The following KLHL7 variants were observed in gnomAD, a reference collection of about 807,000 sequenced individuals.
The protein encoded by KLHL7 is kelch-like protein 7.
KLHL7 carries 44 observed loss-of-function variants against 67.4 expected under a neutral mutation model. The observed-to-expected ratio is 0.65, with a 90% CI of 0.51 to 0.84. The LOEUF is 0.84. Among genes scored for constraint, KLHL7 ranks in the 40% least tolerant of loss-of-function variants. KLHL7 has a pLI of 0.00. For missense variants in KLHL7, 362 were observed against 718.1 expected (o/e 0.50, Z 5.67); for synonymous variants, 252 against 243.3 (o/e 1.04, Z -0.33).
In KLHL7 at chr7:23,135,015, A is replaced by G. The variant is rs531015586; in HGVS notation, c.443-5754A>G. Among the ~76,000 whole-genome samples the G allele has an allele frequency of 3.3e-5, 5 of 152,142 alleles. No individual in the cohort carries two copies. In the South Asian group the frequency reaches 8.3e-4, roughly 25 times the overall value. ...GCTCTTGCTTTTCTAGTTCTTTAAGATACATCATTAGATTGTTAATTTAAG... is the reference window on the plus strand; with the variant it reads ...GCTCTTGCTTTTCTAGTTCTTTAAGGTACATCATTAGATTGTTAATTTAAG... On this transcript the variant is annotated intron_variant, in intron 4 of 10. Transcript: ENST00000339077.
chr7:23,117,246 C>T (rs1025017197), intron 1 of KLHL7, among the ~76,000 whole-genome samples: 37 of 152,048 alleles, frequency 2.4e-4, no homozygotes, highest in African/African-American at 8.7e-4. Flanking sequence ...CACCACCACG[C>T]CTGGCTAATT....
At chr7:23,140,721 T>C (rs1784153713) in intron 4 of KLHL7, 48 bp from the exon 5 acceptor site, 1 of 1,551,554 alleles carries the variant, frequency 6.4e-7, no homozygotes, top group South Asian at 1.1e-5. Flanking sequence ...GTATACTTGG[T>C]TTTTCTAAAA....
chr7:23,117,798 A>T, intron 1 of KLHL7: 1 of 1,555,920 alleles, frequency 6.4e-7, no homozygotes, highest in Non-Finnish European at 8.7e-7. Context: ...TATTTACCCC[A>T]TCTAATAAGG....
chr7:23,143,898 C>A lies in KLHL7; in HGVS notation c.666C>A (p.Arg222=). 6.2e-7 allele frequency: 1 copy of A among 1,614,140 alleles called. No individual in the cohort carries two copies. Among genetic ancestry groups the A allele is most frequent in the Non-Finnish European group, 8.5e-7 (1 of 1,180,002 alleles). ...VRWLKYDEPN[R]QPFMVDILAK... is the part of the protein sequence containing the mutation. Reference sequence around the variant, plus strand: ...GGTTGAAATACGATGAACCTAATCGCCAGCCATTTATGGTTGATATCCTTG... The same window carrying A: ...GGTTGAAATACGATGAACCTAATCGACAGCCATTTATGGTTGATATCCTTG... The change falls in exon 6 of 11, where the codon CGC becomes CGA. Residue 222 remains arginine, a synonymous_variant. Coordinates refer to ENST00000339077, the MANE Select transcript of KLHL7 (RefSeq NM_001031710.3).
chr7:23,172,715 CT>C, intron 9 of KLHL7: 1 of 418,462 alleles, frequency 2.4e-6, no homozygotes, highest in Admixed American at 3.8e-5. Flanking sequence ...TCCTCATTTT[CT>C]TATATCCTAT....
intron 1 of KLHL7, chr7:23,106,926 T>C (rs1380180672): frequency 1.7e-6 from 1 of 575,752 alleles, no homozygotes; most frequent in Non-Finnish European, 2.2e-6. Flanking sequence ...GCTTTATTTA[T>C]AGATAATACA....
chr7:23,146,669 T>TTCTTCTTCTTCTTCTTC (rs1562577226), intron 6 of KLHL7, among the ~76,000 whole-genome samples: 1 of 137,678 alleles, frequency 7.3e-6, no homozygotes, highest in African/African-American at 3.5e-5. Context: ...TCTTCTTCTT[T>TTCTTCTTCTTCTTCTTC]TTTTTTTAAT....
intron 1 of KLHL7, among the ~76,000 whole-genome samples, chr7:23,112,078 TA>T (rs1782899083): frequency 2.0e-5 from 3 of 152,294 alleles, no homozygotes; most frequent in African/African-American, 7.2e-5. Context: ...CTAAATTAGG[TA>T]ACCAAATTAA....
At chr7:23,140,012 C>T (rs1784122056) in intron 4 of KLHL7, among the ~76,000 whole-genome samples, 1 of 151,886 alleles carries the variant, frequency 6.6e-6, no homozygotes, top group Non-Finnish European at 1.5e-5. Flanking sequence ...CAGTACTTTG[C>T]AGACTCCTGA....
chr7:23,133,018 A>G (rs1783856024), intron 4 of KLHL7, among the ~76,000 whole-genome samples: 1 of 152,170 alleles, frequency 6.6e-6, no homozygotes, highest in South Asian at 2.1e-4. Context: ...TTTTTATGCC[A>G]GTACATGCTG....
rs201757686 is a variant in KLHL7, at chr7:23,128,422, TA to T, written c.442+3279del. On this transcript the variant is annotated intron_variant, in intron 4 of 10. Transcript: ENST00000339077. Reference sequence around the variant, plus strand: ...AATAAGACTACGACTTCTTTGGGTTTAAAAAAAAAAAAAAAAAAAAAAAAAA... The same window carrying T: ...AATAAGACTACGACTTCTTTGGGTTTAAAAAAAAAAAAAAAAAAAAAAAAA... Among the ~76,000 whole-genome samples the T allele has an allele frequency of 8.4e-3, 980 of 116,378 alleles. 8 individuals are homozygous for T. The highest frequency in any genetic ancestry group is 0.023 in the African/African-American group (775 of 33,690). The allele number at this position is 116,378 out of a possible 152,430, so 76.3% of individuals were successfully genotyped here.
At chr7:23,113,018 G>T (rs1782936131) in intron 1 of KLHL7, among the ~76,000 whole-genome samples, 1 of 152,122 alleles carries the variant, frequency 6.6e-6, no homozygotes, top group Admixed American at 6.5e-5. Context: ...CTCAGACAGG[G>T]GTGGCGGGGC....
chr7:23,144,091 T>G, intron 6 of KLHL7, 66 bp downstream of exon 6: 1 of 1,328,246 alleles, frequency 7.5e-7, no homozygotes, highest in Non-Finnish European at 1.1e-6. Context: ...CTTAAAACCC[T>G]TTAGAATGGA....
chr7:23,128,039 A>G (rs1002721889), intron 4 of KLHL7, among the ~76,000 whole-genome samples: 1 of 151,842 alleles, frequency 6.6e-6, no homozygotes, highest in Non-Finnish European at 1.5e-5. Flanking sequence ...CTGAAGCGGG[A>G]AAATCGCTTG....
chr7:23,160,014 C>T (rs1371489009), intron 7 of KLHL7, among the ~76,000 whole-genome samples: 1 of 152,114 alleles, frequency 6.6e-6, no homozygotes, highest in East Asian at 1.9e-4. Flanking sequence ...AAATGCTTAC[C>T]ATCTTCCCCA....
At chr7:23,112,104 C>T (rs1371040738) in intron 1 of KLHL7, among the ~76,000 whole-genome samples, 2 of 152,114 alleles carry the variant, frequency 1.3e-5, no homozygotes, top group Admixed American at 6.5e-5. Context: ...ACTTAAAATA[C>T]GACCTGATAA....
chr7:23,126,726 T>C (rs536476366), intron 4 of KLHL7, among the ~76,000 whole-genome samples: 140 of 152,128 alleles, frequency 9.2e-4, no homozygotes, highest in Non-Finnish European at 1.5e-3. Flanking sequence ...GGAAGGCAGG[T>C]GGAAAGCAGC....
At chr7:23,131,770 C>T (rs1466002022) in intron 4 of KLHL7, among the ~76,000 whole-genome samples, 2 of 149,712 alleles carry the variant, frequency 1.3e-5, no homozygotes, top group Non-Finnish European at 3.0e-5. Context: ...ATTAATCCTC[C>T]CCTCAATCTC....
At chr7:23,136,104 C>G (rs1282187560) in intron 4 of KLHL7, among the ~76,000 whole-genome samples, 2 of 152,074 alleles carry the variant, frequency 1.3e-5, no homozygotes, top group African/African-American at 4.8e-5. Flanking sequence ...ATCAACTATC[C>G]CAGCTGGTGT....
Sources: allele counts gnomAD v4.1 joint callset (sites outside exome capture counted in the v4.1 genomes callset), GRCh38; gene constraint gnomAD v4.1.1; transcripts MANE v1.5; gene names NCBI Gene and HGNC (gene_info 2026-07-23, HGNC 2026-07-21).